The following RBMS3 variants were observed in gnomAD, a reference collection of about 807,000 sequenced individuals.
The protein encoded by RBMS3 is RNA binding motif single stranded interacting protein 3, also known as RNA-binding motif, single-stranded-interacting protein 3.
Under a neutral mutation model 66.8 loss-of-function variants are expected in RBMS3, and 27 were observed. The observed-to-expected ratio is 0.40, with a 90% CI of 0.30 to 0.56. The LOEUF (loss-of-function observed/expected upper bound fraction) is 0.56, where lower values mean the gene tolerates loss of function less well. Among genes scored for constraint, RBMS3 ranks in the 20% least tolerant of loss-of-function variants. The pLI is 0.40. For synonymous variants in RBMS3, 188 were observed against 183.0 expected, an observed-to-expected ratio of 1.03 and a Z score of -0.22; for missense variants, 513 against 549.5, an observed-to-expected ratio of 0.93 and a Z score of 0.66.
At chr3:29,973,922 C>T (rs956591117) in intron 12 of RBMS3, among the ~76,000 whole-genome samples, 1 of 151,820 alleles carries the variant, frequency 6.6e-6, no homozygotes, top group African/African-American at 2.4e-5. Flanking sequence ...TTCTCACATC[C>T]ATCTCTAACT....
chr3:29,869,573 A>G (rs1311819228), intron 7 of RBMS3, among the ~76,000 whole-genome samples: 1 of 152,194 alleles, frequency 6.6e-6, no homozygotes, highest in Non-Finnish European at 1.5e-5. Flanking sequence ...GGAGAAGGAA[A>G]AGCACTGAAC....
intron 1 of RBMS3, among the ~76,000 whole-genome samples, chr3:29,374,118 A>T (rs1344621914): frequency 2.0e-5 from 3 of 152,218 alleles, no homozygotes; most frequent in Non-Finnish European, 4.4e-5. Context: ...GACTATAACC[A>T]TTTGACTTTT....
intron 3 of RBMS3, among the ~76,000 whole-genome samples, chr3:29,578,395 TA>T (rs1369868278): frequency 6.6e-6 from 1 of 152,184 alleles, no homozygotes; most frequent in Non-Finnish European, 1.5e-5. Flanking sequence ...CTCTAATACT[TA>T]GTTAAACTTG....
intron 4 of RBMS3, among the ~76,000 whole-genome samples, chr3:29,655,055 C>T (rs1198224317): frequency 6.6e-6 from 1 of 152,138 alleles, no homozygotes; most frequent in African/African-American, 2.4e-5. Flanking sequence ...TCTGTAGCCT[C>T]TTCCCCTTAC....
At chr3:29,981,055 A>G (rs1024732814) in intron 12 of RBMS3, among the ~76,000 whole-genome samples, 9 of 152,178 alleles carry the variant, frequency 5.9e-5, no homozygotes, top group African/African-American at 1.9e-4. Context: ...GATTCTTCCT[A>G]TCCATGAGCA....
chr3:29,827,769 A>G (rs1370886874), intron 6 of RBMS3, among the ~76,000 whole-genome samples: 1 of 152,192 alleles, frequency 6.6e-6, no homozygotes, highest in Non-Finnish European at 1.5e-5. Context: ...CAATGAATGA[A>G]TCCAAACAGC....
At chr3:29,311,943 TG>T (rs1388513046) in intron 1 of RBMS3, among the ~76,000 whole-genome samples, 1 of 151,836 alleles carries the variant, frequency 6.6e-6, no homozygotes, top group African/African-American at 2.4e-5. Context: ...ATGCTTGAGT[TG>T]GATCAGAGAT....
rs78402170 is a variant in RBMS3, at chr3:29,611,319, T to C, written c.399+24114T>C. On this transcript the variant is annotated intron_variant, in intron 4 of 14. Coordinates refer to ENST00000383767, the MANE Select transcript of RBMS3 (RefSeq NM_001003793.3). Reference sequence around the variant, plus strand: ...CATATTCTTCAAACCTGAGTTTTATTTGGTAAAACACGTTGGTGCCTGACC... The same window carrying C: ...CATATTCTTCAAACCTGAGTTTTATCTGGTAAAACACGTTGGTGCCTGACC... 2.0e-4 allele frequency among the ~76,000 whole-genome samples: 30 copies of C among 152,102 alleles called. No individual in the cohort carries two copies. In the East Asian group the frequency reaches 4.9e-3, roughly 25 times the overall value.
intron 4 of RBMS3, among the ~76,000 whole-genome samples, chr3:29,620,026 G>C (rs1433371539): frequency 6.6e-6 from 1 of 152,102 alleles, no homozygotes; most frequent in African/African-American, 2.4e-5. Flanking sequence ...GGGAGCAGGA[G>C]AAAAAGCTTA....
Position 29,281,744 on chromosome 3 carries a change from T to C in RBMS3, c.63T>C (p.Tyr21=), listed in dbSNP as rs751395143. 2 of 1,612,826 alleles carry C rather than the reference T, an allele frequency of 1.2e-6. No homozygotes were observed. The highest frequency in any genetic ancestry group is 1.7e-6 in the Non-Finnish European group (2 of 1,179,204). Residue 21 remains tyrosine, a synonymous_variant, in exon 1 of 15, where the codon TAT becomes TAC. Coordinates refer to ENST00000383767, the MANE Select transcript of RBMS3 (RefSeq NM_001003793.3). ...AGTACACTTACTACTATCCTCATTA[T>C]CTCCAAACCAAGGTATGGCTTGACC... ...YPQYTYYYPH[Y]LQTKQSYAPA...
intron 3 of RBMS3, among the ~76,000 whole-genome samples, chr3:29,536,885 T>G (rs1392786779): frequency 6.6e-6 from 1 of 152,194 alleles, no homozygotes; most frequent in Non-Finnish European, 1.5e-5. Context: ...TGGACCTAAA[T>G]GTGTTGGTCA....
At chr3:29,370,443 A>G (rs983222801) in intron 1 of RBMS3, among the ~76,000 whole-genome samples, 1 of 152,150 alleles carries the variant, frequency 6.6e-6, no homozygotes, top group Non-Finnish European at 1.5e-5. Context: ...TTTAATTTCT[A>G]TATTTTAGTT....
At chr3:29,899,825 G>C in intron 10 of RBMS3, 70 bp downstream of exon 10, 2 of 1,461,972 alleles carry the variant, frequency 1.4e-6, no homozygotes, top group Non-Finnish European at 1.9e-6. Flanking sequence ...ATGCATAGAA[G>C]CTTTGGGGTA....
rs559449496 is a variant in RBMS3 at position 29,702,878 on chromosome 3, G to A, written c.400-36842G>A. Among the ~76,000 whole-genome samples the A allele has an allele frequency of 1.4e-4, 22 of 152,288 alleles. No homozygotes were observed. In the East Asian group the frequency reaches 2.9e-3, roughly 20 times the overall value. ...ACTGTAACACTCACCGCGAGGGTCC[G>A]CGGCTTCATTCTTGAAGTCAGTGAG... On this transcript the variant is annotated intron_variant, in intron 4 of 14. Coordinates refer to ENST00000383767, the MANE Select transcript of RBMS3 (RefSeq NM_001003793.3).
intron 2 of RBMS3, among the ~76,000 whole-genome samples, chr3:29,463,806 C>T (rs2042450470): frequency 6.6e-6 from 1 of 152,068 alleles, no homozygotes; most frequent in South Asian, 2.1e-4. Context: ...TACCCCCTAA[C>T]CTAACCCCAC....
In RBMS3 at chr3:30,003,936, A is replaced by G. The variant is rs1699724663; in HGVS notation, c.*74A>G. The G allele has an allele frequency of 4.7e-6, 6 of 1,271,932 alleles. No individual in the cohort carries two copies. The highest frequency in any genetic ancestry group is 6.3e-6 in the Non-Finnish European group (6 of 949,482). 78.8% of individuals were successfully genotyped at this position (1,271,932 alleles called of 1,614,324 possible). ...TTCATTGAACAAGAAGTTGGCTTCC[A>G]GTTTGCACAGACGTCAATGGAATGC... On this transcript the variant is annotated 3_prime_UTR_variant, in exon 15 of 15. Transcript: ENST00000383767.
intron 1 of RBMS3, among the ~76,000 whole-genome samples, chr3:29,373,346 GA>G (rs1303594622): frequency 2.0e-5 from 3 of 152,168 alleles, no homozygotes; most frequent in Non-Finnish European, 4.4e-5. Context: ...CCCCCTAAAA[GA>G]AATTTTGGCT....
chr3:29,424,406 C>A (rs553505096), intron 1 of RBMS3, among the ~76,000 whole-genome samples: 2 of 152,144 alleles, frequency 1.3e-5, no homozygotes, highest in Non-Finnish European at 2.9e-5. Flanking sequence ...ACAGCCCAGG[C>A]GTTTCAGATG....
chr3:29,573,996 G>A (rs892268087), intron 3 of RBMS3, among the ~76,000 whole-genome samples: 1 of 152,138 alleles, frequency 6.6e-6, no homozygotes, highest in Non-Finnish European at 1.5e-5. Context: ...CTATCCTAGA[G>A]AATGATCCAC....
Sources: gnomAD v4.1 joint callset for allele counts (sites outside exome capture counted in the v4.1 genomes callset) on GRCh38, gnomAD v4.1.1 for gene constraint, MANE v1.5 for transcripts, NCBI Gene and HGNC (gene_info 2026-07-23, HGNC 2026-07-21) for gene names.